TRRAP: variants seen among roughly 807,000 people sequenced by gnomAD.
TRRAP encodes transformation/transcription domain-associated protein.
TRRAP carries 41 observed loss-of-function variants against 438.8 expected under a neutral mutation model. That is an observed-to-expected ratio of 0.09 (90% CI 0.07 to 0.12). The LOEUF (loss-of-function observed/expected upper bound fraction) is 0.12. Ranked by LOEUF, TRRAP falls within the 10% of genes least tolerant of loss-of-function variation. TRRAP has a pLI of 1.00. For missense variants in TRRAP, 3,122 were observed against 5,055.1 expected (o/e 0.62, Z 11.60); for synonymous variants, 1,994 against 1,962.9 (o/e 1.02, Z -0.42).
chr7:98,961,217 G>A (rs757424129), intron 45 of TRRAP, 44 bp from the exon 46 acceptor site: 1 of 1,587,890 alleles, frequency 6.3e-7, no homozygotes, highest in East Asian at 2.2e-5. Flanking sequence ...TGTTGTCATT[G>A]AGTGTTTGTT....
chr7:98,931,534 G>C lies in TRRAP; in HGVS notation c.3721G>C (p.Val1241Leu). The C allele has an allele frequency of 5.6e-6, 9 of 1,614,186 alleles. No individual in the cohort carries two copies. Among genetic ancestry groups the C allele is most frequent in the Non-Finnish European group, 7.6e-6 (9 of 1,180,022 alleles). The change falls in exon 26 of 73, where the codon GTG (valine) becomes CTG (leucine). Residue 1241 changes from valine to leucine, a missense_variant. Around this residue, in one of 24 missense-constraint regions of TRRAP, gnomAD observed 153 missense variants for 223.0 expected, o/e 0.69. Coordinates refer to ENST00000456197, the MANE Select transcript of TRRAP (RefSeq NM_001375524.1). ...VAAQEKSFHH[V>L]THDLVREVTS... Reference sequence around the variant, plus strand: ...CGCCCAGGAAAAGTCTTTCCACCATGTGACACACGACTTGGTTCGAGAAGT... The same window carrying C: ...CGCCCAGGAAAAGTCTTTCCACCATCTGACACACGACTTGGTTCGAGAAGT...
intron 67 of TRRAP, among the ~76,000 whole-genome samples, chr7:99,002,273 G>C (rs912462686): frequency 6.6e-6 from 1 of 152,152 alleles, no homozygotes. Flanking sequence ...ATACACACAT[G>C]TGCGCACACA....
chr7:99,003,601 G>A (rs531046213), intron 67 of TRRAP, among the ~76,000 whole-genome samples: 5 of 152,338 alleles, frequency 3.3e-5, no homozygotes, highest in African/African-American at 1.2e-4. Context: ...TGCCTCAACG[G>A]CATTGTTCCC....
chr7:98,935,763 T>G lies in TRRAP; in HGVS notation c.4111+88T>G, dbSNP rs913640438. On this transcript the variant is annotated intron_variant, in intron 28 of 72. Coordinates refer to ENST00000456197, the MANE Select transcript of TRRAP (RefSeq NM_001375524.1). The stretch of plus-strand genomic sequence containing the variant: ...GAAAAAAAAAGTGGCCTTTTGTTGT[T>G]GTCTAATTTTTATGACTTTTTGTAG... 27 of 1,036,814 alleles carry G rather than the reference T, an allele frequency of 2.6e-5. No individual in the cohort carries two copies. The African/African-American group carries it at 4.3e-4, about 17-fold the overall frequency. The allele number at this position is 1,036,814 out of a possible 1,614,324, so 64.2% of individuals were successfully genotyped here. A position where few individuals can be genotyped will look rare whatever the true frequency, so the allele number is the denominator to read the frequency against.
chr7:98,992,860 G>A (rs576908706), intron 65 of TRRAP, among the ~76,000 whole-genome samples: 1 of 152,166 alleles, frequency 6.6e-6, no homozygotes, highest in African/African-American at 2.4e-5. Flanking sequence ...GTGGATGAGG[G>A]CTGCATGGCA....
Position 98,955,320 on chromosome 7 carries a change from G to A in TRRAP, c.5937+16G>A, listed in dbSNP as rs782376509. The A allele has an allele frequency of 2.9e-5, 46 of 1,592,546 alleles. No individual in the cohort carries two copies. Among genetic ancestry groups the A allele is most frequent in the South Asian group, 2.8e-4 (25 of 90,096 alleles). On this transcript the variant is annotated intron_variant, in intron 41 of 72. Coordinates refer to ENST00000456197, the MANE Select transcript of TRRAP (RefSeq NM_001375524.1). Reference sequence around the variant, plus strand: ...ACACTTCAAGGTGTGTAGGAGGGACGGTGGGCTGCGGGGCGCGCGTCTTCA... The same window carrying A: ...ACACTTCAAGGTGTGTAGGAGGGACAGTGGGCTGCGGGGCGCGCGTCTTCA...
intron 30 of TRRAP, among the ~76,000 whole-genome samples, chr7:98,942,157 A>T (rs1222261733): frequency 1.3e-5 from 2 of 152,216 alleles, no homozygotes; most frequent in African/African-American, 4.8e-5. Flanking sequence ...GGGTTAAGCT[A>T]AAGTCTGGGG....
rs753731260 is a variant in TRRAP at position 98,988,853 on chromosome 7, G to A, written c.9478G>A (p.Glu3160Lys). 3 of 1,614,220 alleles carry A rather than the reference G, an allele frequency of 1.9e-6. No homozygotes were observed. Among genetic ancestry groups the A allele is most frequent in the Admixed American group, 3.3e-5 (2 of 60,030 alleles). ...KAWAMWGDYLENIFVKERQLH... is the reference protein window; with the variant it reads ...KAWAMWGDYLKNIFVKERQLH... ...CTGGGCCATGTGGGGCGACTACCTG[G>A]AGAACATCTTTGTGAAGGAGCGGCA... The change falls in exon 63 of 73, where the codon GAG (glutamate) becomes AAG (lysine). Residue 3160 changes from glutamate (E) to lysine (K), a missense_variant. Glu to Lys is a moderately conservative substitution (Grantham distance 56). This residue lies in a region of TRRAP where 23 missense variants were observed against 18.2 expected (regional missense o/e 1.27). Transcript: ENST00000456197.
intron 1 of TRRAP, among the ~76,000 whole-genome samples, chr7:98,880,279 T>TTTTTTTC (rs1461000690): frequency 1.1e-4 from 16 of 144,588 alleles, no homozygotes; most frequent in African/African-American, 4.2e-4. Context: ...TTTTTTTTTT[T>TTTTTTTC]CCGAGACTGA....
chr7:98,986,050 C>T (rs940486942), intron 62 of TRRAP, among the ~76,000 whole-genome samples: 1 of 152,154 alleles, frequency 6.6e-6, no homozygotes, highest in Non-Finnish European at 1.5e-5. Context: ...ACTGTGTGGC[C>T]TTTTGTGACT....
chr7:98,967,566 C>T lies in TRRAP; in HGVS notation c.7380C>T (p.Leu2460=), dbSNP rs766720776. Residue 2460 remains leucine (L), a synonymous_variant, in exon 51 of 73, where the codon CTC becomes CTT. Coordinates refer to ENST00000456197, the MANE Select transcript of TRRAP (RefSeq NM_001375524.1). ...FLSGLRCAQP[L]IRAKFFEVFD... is the part of the protein sequence containing the mutation. Reference sequence around the variant, plus strand: ...CTGGGCTGCGCTGTGCCCAGCCACTCATCAGGGCAAAGTTTTTCGAGGTTT... The same window carrying T: ...CTGGGCTGCGCTGTGCCCAGCCACTTATCAGGGCAAAGTTTTTCGAGGTTT... 4 of 1,614,006 alleles carry T rather than the reference C, an allele frequency of 2.5e-6. No individual in the cohort carries two copies. The South Asian group carries it at 4.4e-5, about 18-fold the overall frequency.
intron 51 of TRRAP, among the ~76,000 whole-genome samples, chr7:98,968,126 G>A (rs1792241227): frequency 6.6e-6 from 1 of 151,756 alleles, no homozygotes; most frequent in South Asian, 2.1e-4. Context: ...TTAAGCAATT[G>A]TTGTGCCCCA....
chr7:99,008,975 G>T (rs1794315218), intron 70 of TRRAP, among the ~76,000 whole-genome samples: 1 of 152,202 alleles, frequency 6.6e-6, no homozygotes, highest in Non-Finnish European at 1.5e-5. Flanking sequence ...GCTGCTGGAG[G>T]TGTTAGGCGA....
chr7:98,982,737 C>G (rs1162069296), intron 59 of TRRAP, among the ~76,000 whole-genome samples: 1 of 139,648 alleles, frequency 7.2e-6, no homozygotes, highest in Non-Finnish European at 1.5e-5. Context: ...AGTCTACCTC[C>G]CAGGCTCATA....
chr7:98,959,040 A>T (rs1791758717), intron 44 of TRRAP, among the ~76,000 whole-genome samples: 2 of 152,140 alleles, frequency 1.3e-5, no homozygotes, highest in African/African-American at 4.8e-5. Flanking sequence ...TAAGTACCTA[A>T]CCAGTAGATA....
chr7:98,989,630 A>T (rs1793301216), intron 63 of TRRAP, among the ~76,000 whole-genome samples: 1 of 152,260 alleles, frequency 6.6e-6, no homozygotes, highest in Non-Finnish European at 1.5e-5. Context: ...ACACCAGCAC[A>T]TGGCAGTTAA....
chr7:98,994,593 A>C lies in TRRAP; in HGVS notation c.10054A>C (p.Arg3352=). 6.2e-7 allele frequency: 1 copy of C among 1,614,042 alleles called. No individual in the cohort carries two copies. Among genetic ancestry groups the C allele is most frequent in the Middle Eastern group, 1.7e-4 (1 of 6,034 alleles). ...TCTGGCTCTTTTCTACCAGGTTCTC[A>C]GGCAGCTCCAACAGGGCCTGGCGAA... The part of the protein sequence containing the change: ...FRENWHEEVL[R]QLQQGLAKCY... Residue 3352 remains arginine (R), a synonymous_variant, in exon 67 of 73, where the codon AGG becomes CGG. Coordinates refer to ENST00000456197, the MANE Select transcript of TRRAP (RefSeq NM_001375524.1). This position sits in a 1 kb window ranked among gnomAD's most constrained non-coding sequence, Gnocchi z 4.8.
At chr7:98,931,102 G>A (rs150390116) in intron 25 of TRRAP, among the ~76,000 whole-genome samples, 2 of 152,336 alleles carry the variant, frequency 1.3e-5, no homozygotes, top group Admixed American at 1.3e-4. Flanking sequence ...TGCTTCTCAT[G>A]TGCTGTTTCC....
chr7:98,905,114 C>T (rs903265993), intron 12 of TRRAP, among the ~76,000 whole-genome samples: 6 of 152,144 alleles, frequency 3.9e-5, no homozygotes, highest in Admixed American at 1.3e-4. Context: ...GGTGTTCCCA[C>T]CTCCCCAGCC....
Sources: allele counts gnomAD v4.1 joint callset (sites outside exome capture counted in the v4.1 genomes callset), GRCh38; gene constraint gnomAD v4.1.1; regional missense constraint gnomAD v4.1.1; non-coding constraint Gnocchi (gnomAD v3.1); transcripts MANE v1.5; gene names NCBI Gene and HGNC (gene_info 2026-07-23, HGNC 2026-07-21).